UGT3A1: variants seen among roughly 807,000 people sequenced by gnomAD.
UGT3A1 encodes the protein UDP-glycosyltransferase 3A1.
Under a neutral mutation model 37.6 loss-of-function variants are expected in UGT3A1, and 40 were observed. That is an observed-to-expected ratio of 1.06 (90% CI 0.83 to 1.38). The LOEUF (loss-of-function observed/expected upper bound fraction) is 1.38. Ranked by LOEUF, UGT3A1 falls within the 40% of genes most tolerant of loss-of-function variation. UGT3A1 has a pLI of 0.00. For synonymous variants in UGT3A1, 256 were observed against 232.3 expected (o/e 1.10, Z -0.93); for missense variants, 642 against 634.2 (o/e 1.01, Z -0.13).
At chr5:35,987,173 CA>C (rs1344457450) in intron 2 of UGT3A1, among the ~76,000 whole-genome samples, 1 of 152,096 alleles carries the variant, frequency 6.6e-6, no homozygotes, top group Non-Finnish European at 1.5e-5. Flanking sequence ...ATGTAGTTAA[CA>C]AATGTACAAG....
intron 4 of UGT3A1, among the ~76,000 whole-genome samples, chr5:35,963,168 C>T (rs528417972): frequency 1.2e-4 from 19 of 152,328 alleles, no homozygotes; most frequent in African/African-American, 4.3e-4. Flanking sequence ...TCACCTATGC[C>T]TCTATTTCCC....
At chr5:35,991,518 C>T, upstream of UGT3A1, 1 of 1,230,708 alleles carries the variant, frequency 8.1e-7, no homozygotes, top group Middle Eastern at 3.3e-4. Flanking sequence ...CCTTTCTCTG[C>T]CTGCGTAATC....
chr5:35,988,593 A>C (rs756437973), intron 1 of UGT3A1, 42 bp from the exon 2 acceptor site: 2 of 1,497,022 alleles, frequency 1.3e-6, no homozygotes, highest in Non-Finnish European at 1.8e-6. Flanking sequence ...ATGAAAATAG[A>C]GTTTCTGATG....
chr5:36,000,727 C>T (rs897085305), intron 1 of UGT3A1, among the ~76,000 whole-genome samples: 6 of 152,222 alleles, frequency 3.9e-5, no homozygotes, highest in Admixed American at 3.9e-4. Context: ...ATAACCATTA[C>T]AATTATTGTC....
At chr5:35,961,878 C>A (rs1045210235) in intron 4 of UGT3A1, 2 of 152,298 alleles carry the variant, frequency 1.3e-5, no homozygotes, top group East Asian at 3.9e-4. Context: ...CCCCTCTTAG[C>A]CTCTCCAAGA....
chr5:35,986,916 G>A (rs1378163132), intron 2 of UGT3A1, among the ~76,000 whole-genome samples: 1 of 151,994 alleles, frequency 6.6e-6, no homozygotes, highest in African/African-American at 2.4e-5. Context: ...TTATATAAAT[G>A]TATTATCACA....
rs896170568 is a variant in UGT3A1, at chr5:35,988,370, C to T, written c.196+80G>A. 6 of 1,018,192 alleles carry T rather than the reference C, an allele frequency of 5.9e-6. No homozygotes were observed. The African/African-American group carries it at 8.2e-5, about 14-fold the overall frequency. The allele number at this position is 1,018,192 out of a possible 1,614,324, so 63.1% of individuals were successfully genotyped here. ...AAGACTAGATTCAAAGAAGTTTTTACTATGCAGCTGTATAAAAAATATATT... is the reference window on the plus strand; with the variant it reads ...AAGACTAGATTCAAAGAAGTTTTTATTATGCAGCTGTATAAAAAATATATT... On this transcript the variant is annotated intron_variant, in intron 2 of 6. Transcript: ENST00000274278.
chr5:35,955,394 G>A (rs1739311541), intron 6 of UGT3A1: 4 of 597,818 alleles, frequency 6.7e-6, no homozygotes, highest in Non-Finnish European at 1.2e-5. Context: ...TATAAGATCA[G>A]TCAAAGAGAT....
Sources: gnomAD v4.1 joint callset for allele counts (sites outside exome capture counted in the v4.1 genomes callset) on GRCh38, gnomAD v4.1.1 for gene constraint, MANE v1.5 for transcripts, NCBI Gene and HGNC (gene_info 2026-07-23, HGNC 2026-07-21) for gene names.